Variants in CCDC112 observed in about 807,000 individuals in gnomAD.
CCDC112 encodes the protein coiled-coil domain-containing protein 112.
Under a neutral mutation model 66.3 loss-of-function variants are expected in CCDC112, and 40 were observed. The ratio of observed to expected loss-of-function variants is 0.60; its 90% CI spans 0.47 to 0.79. The LOEUF is 0.79. Ranked by LOEUF, CCDC112 falls within the 30% of genes least tolerant of loss-of-function variation. CCDC112 has a pLI of 0.00. For missense variants in CCDC112, 659 were observed against 603.8 expected (o/e 1.09, Z -0.96); for synonymous variants, 214 against 197.2 (o/e 1.09, Z -0.71).
chr5:115,292,054 C>A (rs267302), intron 1 of CCDC112, among the ~76,000 whole-genome samples: 136,459 of 152,200 alleles, frequency 0.9, 61,384 homozygotes, highest in African/African-American at 0.97. Flanking sequence ...AAATTTGGGA[C>A]GTCTTCTATT....
chr5:115,287,165 A>G (rs1235017174), intron 1 of CCDC112, among the ~76,000 whole-genome samples: 1 of 152,088 alleles, frequency 6.6e-6, no homozygotes, highest in East Asian at 1.9e-4. Context: ...AGGGGTTTCA[A>G]TTTCTCCACA....
intron 1 of CCDC112, among the ~76,000 whole-genome samples, chr5:115,285,187 A>G (rs1749625034): frequency 6.6e-6 from 1 of 152,200 alleles, no homozygotes; most frequent in East Asian, 1.9e-4. Flanking sequence ...ACAAATATGT[A>G]TTGAACACTA....
chr5:115,271,564 T>G lies in CCDC112; in HGVS notation c.981A>C (p.Glu327Asp), dbSNP rs1199842282. ...QKREEIFKLK[E>D]KADNTPVLFH... ...AAAGCACAGGTGTGTTGTCTGCCTT[T>G]TCCTTTAACTTGAAAATTTCCTCCC... The change falls in exon 7 of 10, where the codon GAA (glutamate) becomes GAC (aspartate). Residue 327 changes from glutamate (E) to aspartate (D), a missense_variant. Physicochemically the swap from Glu to Asp is conservative, Grantham distance 45 (BLOSUM62 2). Transcript: ENST00000379611. The G allele has an allele frequency of 3.2e-6, 5 of 1,570,640 alleles. No homozygotes were observed. Among genetic ancestry groups the G allele is most frequent in the South Asian group, 1.2e-5 (1 of 82,314 alleles).
rs1277161591 is a variant in CCDC112, at chr5:115,271,294, A to T, written c.1251T>A (p.Leu417=). 6.2e-7 allele frequency: 1 copy of T among 1,610,168 alleles called. No individual in the cohort carries two copies. The highest frequency in any genetic ancestry group is 8.5e-7 in the Non-Finnish European group (1 of 1,179,210). Residue 417 remains leucine (L), a synonymous_variant, in exon 7 of 10, where the codon CTT becomes CTA. Transcript: ENST00000379611. Reference sequence around the variant, plus strand: ...CTGCCTTTTCCCTTATCTCCTTTTCAAGCCTCAAAAATTCTTCCTGTTCTT... The same window carrying T: ...CTGCCTTTTCCCTTATCTCCTTTTCTAGCCTCAAAAATTCTTCCTGTTCTT... The part of the protein sequence containing the change: ...QKKEQEEFLR[L]EKEIREKAEK...
At chr5:115,294,553 C>T (rs1750068037) in intron 1 of CCDC112, among the ~76,000 whole-genome samples, 1 of 152,176 alleles carries the variant, frequency 6.6e-6, no homozygotes, top group African/African-American at 2.4e-5. Context: ...GTTTTAGCCA[C>T]CAAGTCTGTA....
In CCDC112 at chr5:115,276,071, T is replaced by C. The variant is rs2127057118; in HGVS notation, c.452-2A>G. On this transcript the variant is annotated splice_acceptor_variant, in intron 4 of 9. Transcript: ENST00000379611. LOFTEE classifies it high-confidence loss of function. ...TCATTTCTCTGAGCTTCTCAACAACTGTAAAAGAAACACGGAAAATTATTT... is the reference window on the plus strand; with the variant it reads ...TCATTTCTCTGAGCTTCTCAACAACCGTAAAAGAAACACGGAAAATTATTT... 1 of 1,589,036 alleles carries C rather than the reference T, an allele frequency of 6.3e-7. No individual in the cohort carries two copies. Among genetic ancestry groups the C allele is most frequent in the East Asian group, 2.3e-5 (1 of 43,720 alleles).
intron 1 of CCDC112, among the ~76,000 whole-genome samples, chr5:115,294,641 C>A (rs764642768): frequency 6.6e-6 from 1 of 152,152 alleles, no homozygotes. Flanking sequence ...GAGATTGCCA[C>A]CAGGAAAATT....
At chr5:115,270,268 TTGTC>T (rs1463846645) in intron 7 of CCDC112, among the ~76,000 whole-genome samples, 1 of 152,168 alleles carries the variant, frequency 6.6e-6, no homozygotes, top group African/African-American at 2.4e-5. Context: ...TTAATGTGCT[TTGTC>T]TGTGTTTTTG....
rs1172444594 is a variant in CCDC112, at chr5:115,268,964, A to AAAGCCTAGAGGGATCTCT, written c.1447_1464dup (p.Arg483_Leu488dup). ...TCTTCCCAACCTTTGGTGGGTTTGT[A>AAAGCCTAGAGGGATCTCT]AAGCCTAGAGGGATCTCTACTAACA... On this transcript the variant is annotated inframe_insertion, in exon 9 of 10. Transcript: ENST00000379611. 1 of 1,604,852 alleles carries AAAGCCTAGAGGGATCTCT rather than the reference A, an allele frequency of 6.2e-7. No homozygotes were observed. The highest frequency in any genetic ancestry group is 1.3e-5 in the African/African-American group (1 of 74,222).
At chr5:115,277,299 G>T in intron 3 of CCDC112, 2 of 276,386 alleles carry the variant, frequency 7.2e-6, no homozygotes, top group Non-Finnish European at 1.4e-5. Context: ...CTAAGGAAAT[G>T]TCTTTTTTTC....
intron 7 of CCDC112, 62 bp from the exon 8 acceptor site, chr5:115,269,860 G>C (rs1580793192): frequency 2.9e-6 from 3 of 1,022,286 alleles, no homozygotes; most frequent in South Asian, 3.1e-5. Context: ...TCAAAATTTA[G>C]TTGTTCACAA....
intron 1 of CCDC112, among the ~76,000 whole-genome samples, chr5:115,289,888 T>G (rs535893386): frequency 6.6e-6 from 1 of 152,236 alleles, no homozygotes; most frequent in Non-Finnish European, 1.5e-5. Context: ...TTCGCGATGT[T>G]GGCCAGCTGG....
chr5:115,276,862 T>A (rs993867888), intron 4 of CCDC112, 103 bp downstream of exon 4: 25 of 667,460 alleles, frequency 3.7e-5, no homozygotes, highest in Admixed American at 5.6e-5. Context: ...TTAGCTCCAT[T>A]AATAAACTTA....
intron 1 of CCDC112, among the ~76,000 whole-genome samples, chr5:115,294,436 G>A (rs1190108972): frequency 6.6e-6 from 1 of 152,212 alleles, no homozygotes; most frequent in Non-Finnish European, 1.5e-5. Flanking sequence ...CAGTGAGAAG[G>A]TGGCTGCCTA....
Position 115,267,874 on chromosome 5 carries a change from T to C in CCDC112, c.*2A>G. On this transcript the variant is annotated 3_prime_UTR_variant, in exon 10 of 10. Transcript: ENST00000379611. ...TATCAACTGAGTAGCAATTTGATTA[T>C]CTCATACTCTTCTCTGTATTCCTTG... 1 of 1,609,930 alleles carries C rather than the reference T, an allele frequency of 6.2e-7. No homozygotes were observed. The highest frequency in any genetic ancestry group is 8.5e-7 in the Non-Finnish European group (1 of 1,176,378).
chr5:115,268,066 C>T (rs943743239), intron 9 of CCDC112, 148 bp from the exon 10 acceptor site: 2 of 628,514 alleles, frequency 3.2e-6, no homozygotes, highest in South Asian at 2.0e-5. Flanking sequence ...AGGTTTGCAA[C>T]CCTCATTAAG....
chr5:115,282,367 A>T (rs138131233), intron 2 of CCDC112, among the ~76,000 whole-genome samples: 4 of 152,234 alleles, frequency 2.6e-5, no homozygotes, highest in Non-Finnish European at 5.9e-5. Context: ...TGCTTTGCTC[A>T]GTTTAAGTAT....
In CCDC112 at chr5:115,296,456, C is replaced by T. The variant is rs1241454058; in HGVS notation, c.88G>A (p.Gly30Ser). The T allele has an allele frequency of 6.4e-6, 10 of 1,564,344 alleles. No homozygotes were observed. Among genetic ancestry groups the T allele is most frequent in the Non-Finnish European group, 7.7e-6 (9 of 1,162,752 alleles). ...TGAGGCGCTGGCGTCGCTCCCACGC[C>T]GGTCCCGGTGGCCGCGCCCGCCCCT... The part of the protein sequence containing the change: ...VAGAGAATGT[G>S]VGATPAPQQS... Residue 30 changes from glycine to serine, a missense_variant, in exon 1 of 10, where the codon GGC becomes AGC. Transcript: ENST00000379611.
In CCDC112 at chr5:115,279,094, A is replaced by G. The variant is rs949873911; in HGVS notation, c.361+553T>C. ...GAACATAGTCATGTACAATCTATCTATAAGGTACATTTTTATATATTATCT... is the reference window on the plus strand; with the variant it reads ...GAACATAGTCATGTACAATCTATCTGTAAGGTACATTTTTATATATTATCT... On this transcript the variant is annotated intron_variant, in intron 3 of 9. Coordinates refer to ENST00000379611, the MANE Select transcript of CCDC112 (RefSeq NM_001040440.3). 2.6e-5 allele frequency among the ~76,000 whole-genome samples: 4 copies of G among 152,186 alleles called. No individual in the cohort carries two copies. The East Asian group carries it at 7.7e-4, about 29-fold the overall frequency.
Sources: allele counts gnomAD v4.1 joint callset (sites outside exome capture counted in the v4.1 genomes callset), GRCh38; gene constraint gnomAD v4.1.1; transcripts MANE v1.5; gene names NCBI Gene and HGNC (gene_info 2026-07-23, HGNC 2026-07-21).